The following TCF7L1 variants were observed in gnomAD, a reference collection of about 807,000 sequenced individuals.
TCF7L1 encodes the protein transcription factor 7-like 1.
In TCF7L1, 18 loss-of-function variants were observed where a neutral mutation model predicts 63.7. The observed-to-expected ratio is 0.28, with a 90% confidence interval of 0.20 to 0.42. TCF7L1 has a LOEUF of 0.42. Among genes scored for constraint, TCF7L1 ranks in the 10% least tolerant of loss-of-function variants. TCF7L1 has a pLI of 1.00. For synonymous variants in TCF7L1, 355 were observed against 340.9 expected (o/e 1.04, Z -0.46); for missense variants, 654 against 779.3 (o/e 0.84, Z 1.91).
intron 4 of TCF7L1, among the ~76,000 whole-genome samples, chr2:85,287,225 T>C (rs1279432224): frequency 6.6e-6 from 1 of 152,216 alleles, no homozygotes. Flanking sequence ...AAGGCCTGAC[T>C]ACTCTCTGCT....
chr2:85,292,843 G>T (rs1395274908), intron 4 of TCF7L1, among the ~76,000 whole-genome samples: 4 of 152,236 alleles, frequency 2.6e-5, no homozygotes, highest in Admixed American at 2.6e-4. Context: ...CTCCCAAAGT[G>T]CTGGGAATAC....
At chr2:85,187,289 C>A (rs1474678038) in intron 3 of TCF7L1, 3 of 152,126 alleles carry the variant, frequency 2.0e-5, no homozygotes, top group East Asian at 3.8e-4. Context: ...TCTGGATGAG[C>A]CTTTAAGCCA....
intron 3 of TCF7L1, among the ~76,000 whole-genome samples, chr2:85,234,290 C>T (rs1573002729): frequency 6.6e-6 from 1 of 152,024 alleles, no homozygotes; most frequent in African/African-American, 2.4e-5. Flanking sequence ...CACCTGCCAA[C>T]ACGCTCAGCT....
chr2:85,301,749 ACT>A (rs1681982720), intron 4 of TCF7L1, among the ~76,000 whole-genome samples: 1 of 151,642 alleles, frequency 6.6e-6, no homozygotes, highest in African/African-American at 2.4e-5. Context: ...AATGGGGGCA[ACT>A]CTCCCCCTGC....
chr2:85,206,430 T>C (rs1474219587), intron 3 of TCF7L1, among the ~76,000 whole-genome samples: 1 of 152,198 alleles, frequency 6.6e-6, no homozygotes, highest in East Asian at 1.9e-4. Flanking sequence ...ACAATCATGG[T>C]TCTTCTTGAA....
chr2:85,259,139 C>T (rs1680796153), intron 3 of TCF7L1, among the ~76,000 whole-genome samples: 1 of 152,208 alleles, frequency 6.6e-6, no homozygotes, highest in South Asian at 2.1e-4. Flanking sequence ...CAGCACCACA[C>T]ACAGTGGCTG....
At chr2:85,228,075 C>G (rs1679997529) in intron 3 of TCF7L1, among the ~76,000 whole-genome samples, 3 of 150,626 alleles carry the variant, frequency 2.0e-5, no homozygotes, top group Admixed American at 2.0e-4. Context: ...ACATTTAATC[C>G]TTGAGTAGGT....
chr2:85,166,641 G>C (rs141653570), intron 3 of TCF7L1, among the ~76,000 whole-genome samples: 157 of 152,278 alleles, frequency 1.0e-3, no homozygotes, highest in African/African-American at 3.6e-3. Context: ...GCTGGGCATG[G>C]CTTCCTACAG....
At chr2:85,171,021 A>G (rs1050711850) in intron 3 of TCF7L1, among the ~76,000 whole-genome samples, 1 of 152,080 alleles carries the variant, frequency 6.6e-6, no homozygotes, top group African/African-American at 2.4e-5. Context: ...CATACCTGAG[A>G]CTGGGTAATT....
chr2:85,304,380 AACCACGCCATTTCTG>A, intron 7 of TCF7L1, 42 bp downstream of exon 7: 1 of 1,599,590 alleles, frequency 6.3e-7, no homozygotes, highest in East Asian at 2.2e-5. Context: ...TTGTCTTAGC[AACCACGCCATTTCTG>A]ACCACGAAAC....
chr2:85,194,986 C>A (rs1012450603), intron 3 of TCF7L1, among the ~76,000 whole-genome samples: 3 of 152,260 alleles, frequency 2.0e-5, no homozygotes, highest in African/African-American at 4.8e-5. Flanking sequence ...CTCCACCCCC[C>A]AGTCCCACCC....
intron 3 of TCF7L1, among the ~76,000 whole-genome samples, chr2:85,136,618 A>G (rs1677601359): frequency 6.6e-6 from 1 of 151,804 alleles, no homozygotes; most frequent in Non-Finnish European, 1.5e-5. Context: ...CCATACCTAC[A>G]TCTTGTCTCC....
chr2:85,193,170 C>T (rs1679078250), intron 3 of TCF7L1, among the ~76,000 whole-genome samples: 1 of 152,098 alleles, frequency 6.6e-6, no homozygotes, highest in African/African-American at 2.4e-5. Flanking sequence ...CCATGGCTTC[C>T]CTGTCCTTTT....
chr2:85,221,566 T>C (rs1679840651), intron 3 of TCF7L1, among the ~76,000 whole-genome samples: 1 of 151,990 alleles, frequency 6.6e-6, no homozygotes, highest in Non-Finnish European at 1.5e-5. Context: ...GGCAAGAGAG[T>C]ACGCCTGTGT....
chr2:85,192,375 G>T (rs75873856), intron 3 of TCF7L1, among the ~76,000 whole-genome samples: 206 of 152,256 alleles, frequency 1.4e-3, no homozygotes, highest in African/African-American at 4.7e-3. Flanking sequence ...TGTGAAACAT[G>T]TAGAGCTCTA....
chr2:85,207,443 A>T (rs753236286), intron 3 of TCF7L1, among the ~76,000 whole-genome samples: 5 of 152,078 alleles, frequency 3.3e-5, no homozygotes, highest in Non-Finnish European at 5.9e-5. Context: ...CTTGGCACTT[A>T]TCTGAAACAT....
At chr2:85,161,178 A>C (rs1678280349) in intron 3 of TCF7L1, among the ~76,000 whole-genome samples, 1 of 152,210 alleles carries the variant, frequency 6.6e-6, no homozygotes, top group Admixed American at 6.5e-5. Context: ...TCATTTAATG[A>C]AGTGTTGACT....
At chr2:85,196,676 T>TTA (rs1382151892) in intron 3 of TCF7L1, among the ~76,000 whole-genome samples, 1 of 152,086 alleles carries the variant, frequency 6.6e-6, no homozygotes, top group Non-Finnish European at 1.5e-5. Flanking sequence ...AGCCCGGACT[T>TTA]TATAAGGTTC....
chr2:85,309,852 GT>G lies in TCF7L1; in HGVS notation c.*391del, dbSNP rs1173134836. On this transcript the variant is annotated 3_prime_UTR_variant, in exon 12 of 12. Coordinates refer to ENST00000282111, the MANE Select transcript of TCF7L1 (RefSeq NM_031283.3). ...CGACTCCATCTGCAGCTCTGCCATT[GT>G]GACATTTCCTGTTACCCAGCCCAAG... 5.2e-6 allele frequency: 1 copy of G among 191,110 alleles called. No homozygotes were observed. Among genetic ancestry groups the G allele is most frequent in the Admixed American group, 5.7e-5 (1 of 17,660 alleles). 11.8% of individuals were successfully genotyped at this position (191,110 alleles called of 1,614,324 possible).
Sources: allele counts gnomAD v4.1 joint callset (sites outside exome capture counted in the v4.1 genomes callset), GRCh38; gene constraint gnomAD v4.1.1; transcripts MANE v1.5; gene names NCBI Gene and HGNC (gene_info 2026-07-23, HGNC 2026-07-21).